Variants in IGSF22 observed in about 807,000 individuals in gnomAD.
IGSF22 encodes immunoglobulin superfamily member 22.
A neutral mutation model predicts 127.0 loss-of-function variants in IGSF22; 119 were observed. The ratio of observed to expected loss-of-function variants is 0.94; its 90% CI spans 0.81 to 1.09. IGSF22 has a LOEUF of 1.09. IGSF22 is among the 50% of genes least tolerant of loss of function. The pLI is 0.00. For synonymous variants in IGSF22, 568 were observed against 664.7 expected (o/e 0.85, Z 2.24); for missense variants, 1,518 against 1,716.6 (o/e 0.88, Z 2.04).
chr11:18,706,255 C>T, intron 21 of IGSF22, 109 bp from the exon 22 acceptor site: 1 of 1,036,238 alleles, frequency 9.7e-7, no homozygotes, highest in Non-Finnish European at 1.4e-6. Flanking sequence ...GGCCACATTC[C>T]CAGCGCCACC....
Position 18,720,069 on chromosome 11 carries a change from C to T in IGSF22, c.513G>A (p.Lys171=). 1 of 1,614,128 alleles carries T rather than the reference C, an allele frequency of 6.2e-7. No individual in the cohort carries two copies. The highest frequency in any genetic ancestry group is 8.5e-7 in the Non-Finnish European group (1 of 1,180,034). The change falls in exon 6 of 23, where the codon AAG becomes AAA. Residue 171 remains lysine (K), a synonymous_variant. Transcript: ENST00000513874. ...GAAGGACCTGCCAGCCTCACCTCTT[C>T]TTCAGCATCTTTTTGAAGTCCATTT... The part of the protein sequence containing the change: ...QEKMDFKKML[K]KRAPPAPKKK...
In IGSF22 at chr11:18,705,830, C is replaced by A. The variant is rs1333012106; in HGVS notation, c.3897G>T (p.Thr1299=). 2 of 1,546,998 alleles carry A rather than the reference C, an allele frequency of 1.3e-6. No homozygotes were observed. The highest frequency in any genetic ancestry group is 2.4e-5 in the East Asian group (1 of 40,890). The change falls in exon 22 of 23, where the codon ACG becomes ACT. Residue 1299 remains threonine, a synonymous_variant. Transcript: ENST00000513874. ...NELGKDRSSC[T]LTVYDKDDKS... ...CGGCGCCCTCACCATAGACGGTGAG[C>A]GTGCAGCTGCTGCGGTCCTTGCCCA...
intron 20 of IGSF22, 26 bp from the exon 21 acceptor site, chr11:18,707,239 C>T (rs1489360364): frequency 1.0e-5 from 15 of 1,498,062 alleles, no homozygotes; most frequent in East Asian, 5.0e-5. Flanking sequence ...GATCTGTCAG[C>T]GACCTTGGGG....
In IGSF22 at chr11:18,709,407, A is replaced by G. The variant is rs199704012; in HGVS notation, c.2978T>C (p.Val993Ala). 5.5e-4 allele frequency: 893 copies of G among 1,613,132 alleles called. 8 individuals carry two copies. In the African/African-American group the frequency reaches 0.01, roughly 18 times the overall value. The change falls in exon 18 of 23, where the codon GTC becomes GCC. Residue 993 changes from valine (V) to alanine (A), a missense_variant. Val to Ala is a moderately conservative substitution (Grantham distance 64). Around this residue, in one of 3 missense-constraint regions of IGSF22, gnomAD observed 1,456 missense variants for 1,644.9 expected, o/e 0.89. Coordinates refer to ENST00000513874, the MANE Select transcript of IGSF22 (RefSeq NM_173588.4). This position sits in a 1 kb window ranked among gnomAD's most constrained non-coding sequence, Gnocchi z 4.8. ...VGEPVELDKGVRAMPPPAAPK... is the reference protein window; with the variant it reads ...VGEPVELDKGARAMPPPAAPK... ...CTCACCTGGTGGTGGCATGGCACGGACCCCCTTGTCTAGCTCCACAGGCTC... is the reference window on the plus strand; with the variant it reads ...CTCACCTGGTGGTGGCATGGCACGGGCCCCCTTGTCTAGCTCCACAGGCTC...
Position 18,724,214 on chromosome 11 carries a change from T to C in IGSF22, c.23A>G (p.Gln8Arg). The C allele has an allele frequency of 6.2e-7, 1 of 1,613,940 alleles. No individual in the cohort carries two copies. The highest frequency in any genetic ancestry group is 8.5e-7 in the Non-Finnish European group (1 of 1,179,818). Residue 8 changes from glutamine (Q) to arginine (R), a missense_variant, in exon 2 of 23, where the codon CAG (glutamine) becomes CGG (arginine). Gln to Arg is a conservative substitution (Grantham distance 43, BLOSUM62 1). Coordinates refer to ENST00000513874, the MANE Select transcript of IGSF22 (RefSeq NM_173588.4). Reference protein sequence around the residue: MTTIHSRQMLQEHVSMEF... With the variant: MTTIHSRRMLQEHVSMEF... The stretch of plus-strand genomic sequence containing the variant: ...CATGGACACGTGCTCCTGCAGCATC[T>C]GCCGGCTGTGAATGGTTGTCATGGT...
intron 15 of IGSF22, 84 bp from the exon 16 acceptor site, chr11:18,710,912 G>T: frequency 1.7e-6 from 2 of 1,206,818 alleles, no homozygotes; most frequent in Non-Finnish European, 2.4e-6. Context: ...TGCCTCGCCT[G>T]CTTAAATAAA....
At position 18,716,617 on chromosome 11, in the gene IGSF22, G is replaced by A; in HGVS notation, c.1246+111C>T. On this transcript the variant is annotated intron_variant, in intron 10 of 22. Coordinates refer to ENST00000513874, the MANE Select transcript of IGSF22 (RefSeq NM_173588.4). The surrounding 1 kb of genome is among the most constrained non-coding windows in gnomAD (Gnocchi z 4.5). ...CCTGTCTTTCCAGTACCTACCACAG[G>A]GCTTTGCAAAAAGGAGATGGATGGA... 1.8e-6 allele frequency: 2 copies of A among 1,136,984 alleles called. No individual in the cohort carries two copies. Among genetic ancestry groups the A allele is most frequent in the Non-Finnish European group, 2.6e-6 (2 of 778,660 alleles). 70.4% of individuals were successfully genotyped at this position (1,136,984 alleles called of 1,614,324 possible). A position where few individuals can be genotyped will look rare whatever the true frequency, so the allele number is the denominator to read the frequency against.
intron 4 of IGSF22, 96 bp downstream of exon 4, chr11:18,721,439 C>G: frequency 6.5e-7 from 1 of 1,536,334 alleles, no homozygotes; most frequent in Non-Finnish European, 9.0e-7. Context: ...CTCGGGCCGC[C>G]GTTAAGGCTC....
At chr11:18,711,861 G>A (rs2134161413) in intron 15 of IGSF22, among the ~76,000 whole-genome samples, 1 of 152,294 alleles carries the variant, frequency 6.6e-6, no homozygotes, top group Middle Eastern at 3.4e-3. Flanking sequence ...GCACGTCCTG[G>A]GTATACCCAT....
At chr11:18,711,314 C>G (rs529311180) in intron 15 of IGSF22, among the ~76,000 whole-genome samples, 39 of 152,300 alleles carry the variant, frequency 2.6e-4, no homozygotes, top group Admixed American at 2.0e-3. Flanking sequence ...GACCCCCAAT[C>G]CCATCATTCT....
At chr11:18,715,028 CTGT>C (rs1848434578) in intron 11 of IGSF22, among the ~76,000 whole-genome samples, 1 of 9,054 alleles carries the variant, frequency 1.1e-4, no homozygotes, top group Non-Finnish European at 2.3e-4. Context: ...GATACATAGA[CTGT>C]GGGATACATA....
Position 18,714,583 on chromosome 11 carries a change from C to T in IGSF22, c.1573G>A (p.Ala525Thr), listed in dbSNP as rs778827596. The T allele has an allele frequency of 1.5e-5, 24 of 1,614,158 alleles. No individual in the cohort carries two copies. In the South Asian group the frequency reaches 1.6e-4, roughly 11 times the overall value. Reference sequence around the variant, plus strand: ...AACTCAGCTGGGCTCCCAGTGGCCGCGTGCACGTCGGACATCCCGCTCTTC... The same window carrying T: ...AACTCAGCTGGGCTCCCAGTGGCCGTGTGCACGTCGGACATCCCGCTCTTC... ...TVKSGMSDVH[A>T]ATGSPAELCV... is the part of the protein sequence containing the mutation. Residue 525 changes from alanine (A) to threonine (T), a missense_variant, in exon 12 of 23, where the codon GCG becomes ACG. Around this residue, in one of 3 missense-constraint regions of IGSF22, gnomAD observed 1,456 missense variants for 1,644.9 expected, o/e 0.89. Transcript: ENST00000513874.
intron 1 of IGSF22, among the ~76,000 whole-genome samples, chr11:18,724,552 G>GA (rs1160735216): frequency 6.6e-6 from 1 of 152,186 alleles, no homozygotes; most frequent in African/African-American, 2.4e-5. Flanking sequence ...GGCCTGGAGG[G>GA]AGTTGAGGAT....
At position 18,715,512 on chromosome 11, in the gene IGSF22, T is replaced by C. The variant is rs746058976; in HGVS notation, c.1451A>G (p.Asp484Gly). 10 of 1,613,916 alleles carry C rather than the reference T, an allele frequency of 6.2e-6. No individual in the cohort carries two copies. The Admixed American group carries it at 1.5e-4, about 24-fold the overall frequency. ...ELIIEDAQLS[D>G]GGEYTVVAMQ... ...GGCCACCACAGTGTACTCGCCACCA[T>C]CACTGAGCTGTGCATCCTCAATGAT... The change falls in exon 11 of 23, where the codon GAT becomes GGT. Residue 484 changes from aspartate to glycine, a missense_variant. Asp to Gly is a moderately conservative substitution (Grantham distance 94). Coordinates refer to ENST00000513874, the MANE Select transcript of IGSF22 (RefSeq NM_173588.4).
At chr11:18,707,242 C>T (rs1848257346) in intron 20 of IGSF22, 29 bp from the exon 21 acceptor site, 1 of 1,489,728 alleles carries the variant, frequency 6.7e-7, no homozygotes, top group Non-Finnish European at 9.0e-7. Context: ...CTGTCAGCGA[C>T]CTTGGGGCAC....
At chr11:18,721,233 A>G (rs1326091345) in intron 4 of IGSF22, among the ~76,000 whole-genome samples, 1 of 151,806 alleles carries the variant, frequency 6.6e-6, no homozygotes, top group Non-Finnish European at 1.5e-5. Flanking sequence ...CTTTTGGCTC[A>G]CTCGCCTTGT....
In IGSF22 at chr11:18,721,384, C is replaced by A; in HGVS notation, c.378+151G>T. The A allele has an allele frequency of 1.1e-5, 12 of 1,045,936 alleles. No individual in the cohort carries two copies. In the South Asian group the frequency reaches 1.6e-4, roughly 14 times the overall value. 64.8% of individuals were successfully genotyped at this position (1,045,936 alleles called of 1,614,324 possible). On this transcript the variant is annotated intron_variant, in intron 4 of 22. Coordinates refer to ENST00000513874, the MANE Select transcript of IGSF22 (RefSeq NM_173588.4). ...TCCTGACTCGGCCTCTCTTATCCTG[C>A]CGCGCCTCTCGGGCAATGACAGCTG...
intron 21 of IGSF22, 25 bp downstream of exon 21, chr11:18,706,889 C>A (rs1461845635): frequency 2.0e-6 from 3 of 1,468,652 alleles, no homozygotes; most frequent in Non-Finnish European, 2.7e-6. Context: ...CCAGACTTAA[C>A]CCTAACTGCA....
chr11:18,710,537 C>A, intron 16 of IGSF22, 82 bp from the exon 17 acceptor site: 1 of 1,592,398 alleles, frequency 6.3e-7, no homozygotes, highest in South Asian at 1.1e-5. Context: ...AAGAGGAGGT[C>A]ATGGGATGTT....
Sources: allele counts gnomAD v4.1 joint callset (sites outside exome capture counted in the v4.1 genomes callset), GRCh38; gene constraint gnomAD v4.1.1; regional missense constraint gnomAD v4.1.1; non-coding constraint Gnocchi (gnomAD v3.1); transcripts MANE v1.5; gene names NCBI Gene and HGNC (gene_info 2026-07-23, HGNC 2026-07-21).